CADM2: variants seen among roughly 807,000 people sequenced by gnomAD.
CADM2 encodes the protein immunoglobulin superfamily member 4D.
CADM2 carries 12 observed loss-of-function variants against 49.8 expected under a neutral mutation model. The ratio of observed to expected loss-of-function variants is 0.24; its 90% CI spans 0.15 to 0.39. The LOEUF (loss-of-function observed/expected upper bound fraction) is 0.39, where lower values mean the gene tolerates loss of function less well. Ranked by LOEUF, CADM2 falls within the 10% of genes least tolerant of loss-of-function variation. The pLI is 1.00. For missense variants in CADM2, 378 were observed against 492.3 expected (o/e 0.77, Z 2.20); for synonymous variants, 214 against 175.4 (o/e 1.22, Z -1.74).
chr3:85,734,715 GTA>G (rs1183008861), intron 2 of CADM2, among the ~76,000 whole-genome samples: 81 of 144,840 alleles, frequency 5.6e-4, no homozygotes, highest in African/African-American at 2.0e-3. Flanking sequence ...AATATAATGT[GTA>G]TATCTTTTTA....
chr3:85,862,529 AAAAC>A (rs1357333568), intron 3 of CADM2, among the ~76,000 whole-genome samples: 2 of 152,172 alleles, frequency 1.3e-5, no homozygotes, highest in Non-Finnish European at 2.9e-5. Context: ...TCCCCAAATG[AAAAC>A]AACATAAATT....
rs185202793 is a variant in CADM2 at position 85,637,708 on chromosome 3, A to T, written c.62-88814A>T. Reference sequence around the variant, plus strand: ...GAAGGGAAAACTTAATATCCAAAAAATGACAATAACTTAGCCAAGAGCACC... The same window carrying T: ...GAAGGGAAAACTTAATATCCAAAAATTGACAATAACTTAGCCAAGAGCACC... On this transcript the variant is annotated intron_variant, in intron 1 of 9. Coordinates refer to ENST00000383699, the MANE Select transcript of CADM2 (RefSeq NM_001167675.2). Among the ~76,000 whole-genome samples, 30 of 152,080 alleles carry T rather than the reference A, an allele frequency of 2.0e-4. No homozygotes were observed. The East Asian group carries it at 5.8e-3, about 29-fold the overall frequency.
At chr3:85,824,057 C>T (rs1475817072) in intron 3 of CADM2, among the ~76,000 whole-genome samples, 2 of 152,120 alleles carry the variant, frequency 1.3e-5, no homozygotes, top group Non-Finnish European at 2.9e-5. Flanking sequence ...ATGCATTTCG[C>T]TGTTGTAATT....
chr3:85,232,316 T>C (rs1405832575), intron 1 of CADM2, among the ~76,000 whole-genome samples: 2 of 152,090 alleles, frequency 1.3e-5, no homozygotes, highest in Non-Finnish European at 2.9e-5. Context: ...GAGTTATTTC[T>C]AGAAAATTCT....
At chr3:85,633,319 T>C (rs982755248) in intron 1 of CADM2, among the ~76,000 whole-genome samples, 1 of 152,098 alleles carries the variant, frequency 6.6e-6, no homozygotes, top group African/African-American at 2.4e-5. Flanking sequence ...TCCCATATGA[T>C]TGTTACTTTC....
At chr3:85,531,762 A>C (rs1177633065) in intron 1 of CADM2, among the ~76,000 whole-genome samples, 1 of 152,230 alleles carries the variant, frequency 6.6e-6, no homozygotes, top group African/African-American at 2.4e-5. Context: ...AAAGGTAGAA[A>C]AATAAAAAAG....
chr3:85,497,644 T>C (rs886943217), intron 1 of CADM2, among the ~76,000 whole-genome samples: 4 of 152,102 alleles, frequency 2.6e-5, no homozygotes, highest in Non-Finnish European at 4.4e-5. Flanking sequence ...TTAAAACTTA[T>C]AGCGGTATGT....
Position 85,701,624 on chromosome 3 carries a change from A to G in CADM2, c.62-24898A>G, listed in dbSNP as rs546598310. Among the ~76,000 whole-genome samples, 3 of 152,230 alleles carry G rather than the reference A, an allele frequency of 2.0e-5. No homozygotes were observed. The East Asian group carries it at 5.8e-4, about 29-fold the overall frequency. On this transcript the variant is annotated intron_variant, in intron 1 of 9. Coordinates refer to ENST00000383699, the MANE Select transcript of CADM2 (RefSeq NM_001167675.2). Reference sequence around the variant, plus strand: ...GTTTAGAATCACCAAACTCATACACATATAGCATTCCCTTTTGTGCCATCA... The same window carrying G: ...GTTTAGAATCACCAAACTCATACACGTATAGCATTCCCTTTTGTGCCATCA...
intron 1 of CADM2, among the ~76,000 whole-genome samples, chr3:85,065,113 T>C (rs1003157690): frequency 2.6e-5 from 4 of 152,096 alleles, no homozygotes; most frequent in African/African-American, 9.7e-5. Flanking sequence ...TTCCCACTTG[T>C]GAATTAGTAA....
At chr3:85,010,553 A>C (rs886766223) in intron 1 of CADM2, among the ~76,000 whole-genome samples, 3 of 152,132 alleles carry the variant, frequency 2.0e-5, no homozygotes, top group Non-Finnish European at 4.4e-5. Flanking sequence ...GATTCCAAGC[A>C]CTTAGAATTC....
intron 6 of CADM2, among the ~76,000 whole-genome samples, chr3:85,918,185 A>T (rs1718628520): frequency 6.6e-6 from 1 of 152,122 alleles, no homozygotes; most frequent in Non-Finnish European, 1.5e-5. Context: ...AACTTCCAAC[A>T]CTATGTTGAA....
intron 1 of CADM2, among the ~76,000 whole-genome samples, chr3:85,288,564 G>A (rs1029844653): frequency 1.3e-5 from 2 of 151,944 alleles, no homozygotes; most frequent in African/African-American, 4.8e-5. Flanking sequence ...ATAATGCTCT[G>A]CAGAATTTGT....
chr3:85,205,876 A>G (rs892229013), intron 1 of CADM2, among the ~76,000 whole-genome samples: 1 of 152,168 alleles, frequency 6.6e-6, no homozygotes, highest in African/African-American at 2.4e-5. Context: ...TCTCTATGAT[A>G]TTGAATCTCC....
At chr3:85,501,245 T>C (rs906667890) in intron 1 of CADM2, among the ~76,000 whole-genome samples, 6 of 152,140 alleles carry the variant, frequency 3.9e-5, no homozygotes, top group Non-Finnish European at 5.9e-5. Context: ...ACTTGAAAGA[T>C]TGGTATTAAA....
chr3:85,851,710 A>G (rs2075116146), intron 3 of CADM2, among the ~76,000 whole-genome samples: 1 of 150,916 alleles, frequency 6.6e-6, no homozygotes, highest in African/African-American at 2.4e-5. Context: ...AAACTACATA[A>G]CAGCTAAACT....
At chr3:85,270,679 G>A (rs541737394) in intron 1 of CADM2, among the ~76,000 whole-genome samples, 99 of 151,192 alleles carry the variant, frequency 6.5e-4, no homozygotes, top group African/African-American at 2.3e-3. Context: ...AACCTAGCAA[G>A]CAGAAGGAAC....
intron 3 of CADM2, among the ~76,000 whole-genome samples, chr3:85,882,806 A>G (rs1433954928): frequency 1.3e-5 from 2 of 152,210 alleles, no homozygotes; most frequent in East Asian, 1.9e-4. Flanking sequence ...TTTCTGCTCA[A>G]TATCAGCTCA....
intron 1 of CADM2, among the ~76,000 whole-genome samples, chr3:85,295,161 A>G (rs1223197794): frequency 6.6e-6 from 1 of 152,218 alleles, no homozygotes; most frequent in Non-Finnish European, 1.5e-5. Flanking sequence ...AAAAGAAGCC[A>G]TTTATGCAGC....
chr3:86,040,263 C>T (rs1280918362), intron 8 of CADM2, among the ~76,000 whole-genome samples: 1 of 152,048 alleles, frequency 6.6e-6, no homozygotes, highest in African/African-American at 2.4e-5. Context: ...GAGAAGAAGG[C>T]TTCAGATGAT....
Sources: gnomAD v4.1 joint callset for allele counts (sites outside exome capture counted in the v4.1 genomes callset) on GRCh38, gnomAD v4.1.1 for gene constraint, MANE v1.5 for transcripts, NCBI Gene and HGNC (gene_info 2026-07-23, HGNC 2026-07-21) for gene names.